Variants in MICAL2 observed in about 807,000 individuals in gnomAD.
MICAL2 encodes [F-actin]-monooxygenase MICAL2.
MICAL2 carries 77 observed loss-of-function variants against 127.3 expected under a neutral mutation model. That is an observed-to-expected ratio of 0.60 (90% CI 0.50 to 0.73). MICAL2 has a LOEUF of 0.73. Among genes scored for constraint, MICAL2 ranks in the 30% least tolerant of loss-of-function variants. The pLI, the probability that MICAL2 is intolerant of heterozygous loss-of-function variation, is 0.00. For missense variants in MICAL2, 1,351 were observed against 1,434.4 expected, an observed-to-expected ratio of 0.94 and a Z score of 0.94; for synonymous variants, 570 against 551.1, an observed-to-expected ratio of 1.03 and a Z score of -0.48.
chr11:12,192,286 A>G (rs1859288074), intron 3 of MICAL2, among the ~76,000 whole-genome samples: 1 of 152,238 alleles, frequency 6.6e-6, no homozygotes, highest in Non-Finnish European at 1.5e-5. Context: ...TCAGCTCAGC[A>G]GCCTCCTGGG....
At chr11:12,185,729 G>C (rs1263489796) in intron 3 of MICAL2, among the ~76,000 whole-genome samples, 1 of 152,160 alleles carries the variant, frequency 6.6e-6, no homozygotes, top group Non-Finnish European at 1.5e-5. Flanking sequence ...AGCTCTCCCA[G>C]CAGAGGCAAT....
At chr11:12,257,165 G>T in intron 24 of MICAL2, 194 bp downstream of exon 24, 1 of 620,120 alleles carries the variant, frequency 1.6e-6, no homozygotes, top group Non-Finnish European at 2.7e-6. Flanking sequence ...TCCCAGGGAA[G>T]GGGTAGCATC....
intron 15 of MICAL2, among the ~76,000 whole-genome samples, chr11:12,232,328 G>A (rs530759692): frequency 1.3e-5 from 2 of 152,312 alleles, no homozygotes; most frequent in East Asian, 3.9e-4. Context: ...ATATTTTCAT[G>A]CCAGTTTTTA....
rs763424758 is a variant in MICAL2 at position 12,259,775 on chromosome 11, C to T, written c.3232-20C>T. On this transcript the variant is annotated intron_variant, in intron 25 of 27. Transcript: ENST00000683283. ...TGGAAGACTTACAGACAAATGCCCT[C>T]ATTTCCATCTCTTTCTCAGGAGGAG... 2.0e-6 allele frequency: 3 copies of T among 1,524,698 alleles called. No homozygotes were observed. Among genetic ancestry groups the T allele is most frequent in the African/African-American group, 2.8e-5 (2 of 72,102 alleles). 94.4% of individuals were successfully genotyped at this position (1,524,698 alleles called of 1,614,324 possible). A position where few individuals can be genotyped will look rare whatever the true frequency, so the allele number is the denominator to read the frequency against.
chr11:12,355,407 A>G (rs1056271812), intron 34 of MICAL2, among the ~76,000 whole-genome samples: 6 of 152,230 alleles, frequency 3.9e-5, no homozygotes, highest in Non-Finnish European at 8.8e-5. Flanking sequence ...CAAGGAGAGT[A>G]GAGATAAACT....
At chr11:12,248,414 G>A (rs757936696) in intron 21 of MICAL2, among the ~76,000 whole-genome samples, 14 of 152,128 alleles carry the variant, frequency 9.2e-5, no homozygotes, top group South Asian at 2.1e-4. Context: ...AGTTACTTTC[G>A]CTCTTCCAGA....
At chr11:12,343,187 C>A (rs1938897736) in intron 32 of MICAL2, among the ~76,000 whole-genome samples, 1 of 152,044 alleles carries the variant, frequency 6.6e-6, no homozygotes, top group Non-Finnish European at 1.5e-5. Context: ...GTGGGCGGAT[C>A]ACCTGAGGTC....
chr11:12,117,337 C>T (rs1426136098), intron 1 of MICAL2, among the ~76,000 whole-genome samples: 2 of 152,194 alleles, frequency 1.3e-5, no homozygotes, highest in Non-Finnish European at 2.9e-5. Flanking sequence ...GGTCTTGACG[C>T]ACACAGCCTG....
At chr11:12,336,926 T>C (rs578171815) in intron 32 of MICAL2, among the ~76,000 whole-genome samples, 1 of 152,306 alleles carries the variant, frequency 6.6e-6, no homozygotes, top group Admixed American at 6.5e-5. Flanking sequence ...TTTTTTGTTG[T>C]GTCTCTACCA....
At position 12,242,266 on chromosome 11, in the gene MICAL2, C is replaced by CT; in HGVS notation, c.2391dup (p.Ala798CysfsTer4). The CT allele has an allele frequency of 6.2e-7, 1 of 1,613,876 alleles. No homozygotes were observed. The highest frequency in any genetic ancestry group is 8.5e-7 in the Non-Finnish European group (1 of 1,179,800). On this transcript the variant is annotated frameshift_variant, in exon 19 of 28. Transcript: ENST00000683283. LOFTEE classifies it high-confidence loss of function. The stretch of plus-strand genomic sequence containing the variant: ...GTGCTCAGAGAGCTCAAGCAAGTGT[C>CT]TGCTGGCAGTGAGTGCCTGAGCAGA...
At chr11:12,322,331 C>T (rs1864308523) in intron 30 of MICAL2, among the ~76,000 whole-genome samples, 2 of 152,144 alleles carry the variant, frequency 1.3e-5, no homozygotes, top group Non-Finnish European at 2.9e-5. Flanking sequence ...CAGAAAGATC[C>T]TAGCTGCCCC....
downstream of MICAL2, chr11:12,293,891 C>T (rs781043894): frequency 1.6e-5 from 26 of 1,610,188 alleles, no homozygotes; most frequent in Middle Eastern, 3.3e-4. Context: ...TGGAGAAGAC[C>T]GGGAAAAAGG....
intron 32 of MICAL2, among the ~76,000 whole-genome samples, chr11:12,342,386 T>A (rs1400068428): frequency 5.9e-5 from 9 of 152,218 alleles, no homozygotes; most frequent in Admixed American, 5.9e-4. Context: ...CCACATGACC[T>A]TTTCATTTAC....
At chr11:12,253,018 A>G (rs1861764188) in intron 22 of MICAL2, 1 of 152,058 alleles carries the variant, frequency 6.6e-6, no homozygotes, top group Non-Finnish European at 1.5e-5. Context: ...ATCTCATGCT[A>G]TGTGTATTTA....
At chr11:12,113,418 G>A (rs1427780091) in intron 1 of MICAL2, among the ~76,000 whole-genome samples, 3 of 152,228 alleles carry the variant, frequency 2.0e-5, no homozygotes, top group Non-Finnish European at 4.4e-5. Context: ...CAACTTGCCT[G>A]CATCACACAG....
At chr11:12,336,832 C>A (rs10831792) in intron 32 of MICAL2, among the ~76,000 whole-genome samples, 139,814 of 151,946 alleles carry the variant, frequency 0.92, 64,393 homozygotes, top group East Asian at 0.95. Flanking sequence ...AAGCTTTTTG[C>A]TGTGCTGCTG....
At chr11:12,241,291 G>T (rs1244440109) in intron 18 of MICAL2, 129 bp downstream of exon 18, 1 of 1,168,590 alleles carries the variant, frequency 8.6e-7, no homozygotes, top group Admixed American at 2.6e-5. Flanking sequence ...ACACCTTGAT[G>T]TCACCACACT....
In MICAL2 at chr11:12,262,246, C is replaced by G. The variant is rs1863225843; in HGVS notation, c.3335-234C>G. On this transcript the variant is annotated intron_variant, in intron 26 of 27. Transcript: ENST00000683283. Reference sequence around the variant, plus strand: ...TGGGGGCAGAGAGGATATCAGGGAGCAAGATGCAAACTGTGTGCATCCACT... The same window carrying G: ...TGGGGGCAGAGAGGATATCAGGGAGGAAGATGCAAACTGTGTGCATCCACT... 4 of 1,398,228 alleles carry G rather than the reference C, an allele frequency of 2.9e-6. No individual in the cohort carries two copies. The Admixed American group carries it at 1.2e-4, about 42-fold the overall frequency. The allele number at this position is 1,398,228 out of a possible 1,614,324, so 86.6% of individuals were successfully genotyped here.
chr11:12,212,640 C>T (rs544050670), intron 6 of MICAL2, among the ~76,000 whole-genome samples: 8 of 151,988 alleles, frequency 5.3e-5, no homozygotes, highest in African/African-American at 1.7e-4. Flanking sequence ...GGGTCCCACC[C>T]TACTCCAGTA....
Sources: allele counts gnomAD v4.1 joint callset (sites outside exome capture counted in the v4.1 genomes callset), GRCh38; gene constraint gnomAD v4.1.1; transcripts MANE v1.5; gene names NCBI Gene and HGNC (gene_info 2026-07-23, HGNC 2026-07-21).